RAB36: variants seen among roughly 807,000 people sequenced by gnomAD.
The protein encoded by RAB36 is RAB36, member RAS oncogene family, also known as ras-related protein Rab-36.
In RAB36, 33 loss-of-function variants were observed where a neutral mutation model predicts 39.3. That is an observed-to-expected ratio of 0.84 (90% CI 0.64 to 1.12). The LOEUF is 1.12. Among genes scored for constraint, RAB36 ranks in the 50% most tolerant of loss-of-function variants. The pLI is 0.00. For synonymous variants in RAB36, 133 were observed against 140.2 expected, an observed-to-expected ratio of 0.95 and a Z score of 0.36; for missense variants, 308 against 355.3, an observed-to-expected ratio of 0.87 and a Z score of 1.07.
rs1473192379 is a variant in RAB36, at chr22:23,160,921, C to T, written c.662C>T (p.Ala221Val). 1 of 1,613,820 alleles carries T rather than the reference C, an allele frequency of 6.2e-7. No individual in the cohort carries two copies. The highest frequency in any genetic ancestry group is 8.5e-7 in the Non-Finnish European group (1 of 1,179,946). Residue 221 changes from alanine to valine, a missense_variant, in exon 10 of 11, where the codon GCA (alanine) becomes GTA (valine). Physicochemically the swap from Ala to Val is moderately conservative, Grantham distance 64 (BLOSUM62 0). Transcript: ENST00000263116. The part of the protein sequence containing the change: ...KAFFSRVAAL[A>V]FEQSVLQDLE... ...TTCTTCAGCCGCGTAGCCGCCCTGG[C>T]ATTCGAGCAGTCGGTGCTGCAGGAC...
chr22:23,163,806 C>T lies in RAB36; in HGVS notation c.*2242C>T, dbSNP rs979913435. 2 of 152,228 alleles carry T rather than the reference C, an allele frequency of 1.3e-5. No individual in the cohort carries two copies. Among genetic ancestry groups the T allele is most frequent in the African/African-American group, 2.4e-5 (1 of 41,458 alleles). The allele number at this position is 152,228 out of a possible 1,614,324, so 9.4% of individuals were successfully genotyped here. ...TTTGTTGTTTTCACCAGAGTGAGCT[C>T]CTTCTGGACATACTGCCTGGCAGCC... is the stretch of plus-strand genomic sequence containing the variant. On this transcript the variant is annotated 3_prime_UTR_variant, in exon 11 of 11. Transcript: ENST00000263116.
intron 9 of RAB36, among the ~76,000 whole-genome samples, chr22:23,160,168 G>A (rs748692454): frequency 4.6e-5 from 7 of 152,148 alleles, no homozygotes; most frequent in Admixed American, 6.5e-5. Context: ...GAGGGTTGGC[G>A]TCACAAGTAG....
intron 1 of RAB36, 96 bp from the exon 2 acceptor site, chr22:23,146,509 G>T (rs2070781869): frequency 2.0e-6 from 3 of 1,507,214 alleles, no homozygotes; most frequent in South Asian, 2.5e-5. Flanking sequence ...ACTGCACCCA[G>T]CCTGGATCTG....
rs1238861813 is a variant in RAB36 at position 23,157,888 on chromosome 22, G to C, written c.395-104G>C. ...GGTTCCGGTGCTGAGTGCCTGGTTG[G>C]GGGGCTGCCCTGGCAGTTCCTTGGG... On this transcript the variant is annotated intron_variant, in intron 6 of 10. Transcript: ENST00000263116. The C allele has an allele frequency of 1.6e-5, 25 of 1,580,702 alleles. No individual in the cohort carries two copies. In the South Asian group the frequency reaches 1.8e-4, roughly 11 times the overall value.
At chr22:23,153,168 G>A (rs375183296) in intron 5 of RAB36, 34 bp downstream of exon 5, 3 of 1,503,992 alleles carry the variant, frequency 2.0e-6, no homozygotes, top group African/African-American at 2.8e-5. Flanking sequence ...CTCGTGGGCA[G>A]CTTCCTACAG....
chr22:23,163,606 G>GCTCCC lies in RAB36; in HGVS notation c.*2043_*2044insTCCCC, dbSNP rs139292265. ...AAAGCATATAAAATACAAGGTGAAA[G>GCTCCC]CCCCCCCCCCGCCACATTAGCTGCG... On this transcript the variant is annotated 3_prime_UTR_variant, in exon 11 of 11. Coordinates refer to ENST00000263116, the MANE Select transcript of RAB36 (RefSeq NM_004914.5). 4.0e-5 allele frequency: 5 copies of GCTCCC among 125,228 alleles called. 1 individual carries two copies. Among genetic ancestry groups the GCTCCC allele is most frequent in the African/African-American group, 1.4e-4 (5 of 36,388 alleles). 7.8% of individuals were successfully genotyped at this position (125,228 alleles called of 1,614,324 possible).
Position 23,162,466 on chromosome 22 carries a change from A to G in RAB36, c.*902A>G, listed in dbSNP as rs572693867. On this transcript the variant is annotated 3_prime_UTR_variant, in exon 11 of 11. Transcript: ENST00000263116. ...CTCTCCATCCCTCTCTCATTGGCCTATACATCTCTTAGGACCTTTGTAATG... is the reference window on the plus strand; with the variant it reads ...CTCTCCATCCCTCTCTCATTGGCCTGTACATCTCTTAGGACCTTTGTAATG... 2.4e-5 allele frequency: 9 copies of G among 372,542 alleles called. No individual in the cohort carries two copies. The highest frequency in any genetic ancestry group is 6.2e-4 in the Middle Eastern group (1 of 1,622). The allele number at this position is 372,542 out of a possible 1,614,324, so 23.1% of individuals were successfully genotyped here. A position where few individuals can be genotyped will look rare whatever the true frequency, so the allele number is the denominator to read the frequency against.
At chr22:23,161,056 A>G (rs1055810454) in intron 10 of RAB36, 58 bp downstream of exon 10, 2 of 1,543,940 alleles carry the variant, frequency 1.3e-6, no homozygotes, top group Non-Finnish European at 8.8e-7. Context: ...TAAAATCCAC[A>G]TGCGCCATCC....
At chr22:23,151,135 T>A (rs912340730) in intron 3 of RAB36, among the ~76,000 whole-genome samples, 2 of 152,210 alleles carry the variant, frequency 1.3e-5, no homozygotes, top group Non-Finnish European at 2.9e-5. Context: ...AGAGCGCAGC[T>A]AGAGGTTCCC....
At chr22:23,150,293 C>CTTTTTTTTTTCTTT (rs2071035923) in intron 3 of RAB36, 139 bp downstream of exon 3, 1 of 489,390 alleles carries the variant, frequency 2.0e-6, no homozygotes, top group Non-Finnish European at 3.6e-6. Context: ...CTGGGGTTTT[C>CTTTTTTTTTTCTTT]TTTTTTTTTT....
At chr22:23,151,382 A>T (rs1030949254) in intron 3 of RAB36, among the ~76,000 whole-genome samples, 11 of 152,076 alleles carry the variant, frequency 7.2e-5, no homozygotes, top group African/African-American at 2.7e-4. Context: ...ATGGAGTCAG[A>T]ACGAAAGGGC....
At chr22:23,154,886 G>T (rs1423543730) in intron 5 of RAB36, among the ~76,000 whole-genome samples, 1 of 152,166 alleles carries the variant, frequency 6.6e-6, no homozygotes, top group East Asian at 1.9e-4. Flanking sequence ...AGCACTTTGG[G>T]AGGCCAGGGC....
chr22:23,150,243 C>T (rs2071031311), intron 3 of RAB36, 89 bp downstream of exon 3: 2 of 1,051,668 alleles, frequency 1.9e-6, no homozygotes, highest in Admixed American at 2.0e-5. Flanking sequence ...ATGAAACACA[C>T]ACACGAGGCT....
At position 23,160,934 on chromosome 22, in the gene RAB36, G is replaced by A. The variant is rs5759611; in HGVS notation, c.675G>A (p.Ser225=). The change falls in exon 10 of 11, where the codon TCG becomes TCA. Residue 225 remains serine (S), a synonymous_variant. Transcript: ENST00000263116. ...TAGCCGCCCTGGCATTCGAGCAGTCGGTGCTGCAGGACCTGGAGAGGCAGA... is the reference window on the plus strand; with the variant it reads ...TAGCCGCCCTGGCATTCGAGCAGTCAGTGCTGCAGGACCTGGAGAGGCAGA... ...SRVAALAFEQ[S]VLQDLERQSS... is the part of the protein sequence containing the mutation. The A allele has an allele frequency of 0.25, 410,836 of 1,613,334 alleles. 54,252 individuals carry two copies. Among genetic ancestry groups the A allele is most frequent in the East Asian group, 0.36 (16,151 of 44,860 alleles).
intron 6 of RAB36, 47 bp from the exon 7 acceptor site, chr22:23,157,945 C>T (rs371981003): frequency 3.7e-6 from 6 of 1,611,958 alleles, no homozygotes; most frequent in African/African-American, 2.7e-5. Context: ...CCCCCTTGCT[C>T]GCCTCGCCTG....
At chr22:23,145,360 G>A, upstream of RAB36, 1 of 1,603,706 alleles carries the variant, frequency 6.2e-7, no homozygotes, top group Non-Finnish European at 8.5e-7. Context: ...GCAGGTTCTC[G>A]TTGCTATGGT....
chr22:23,163,015 G>A lies in RAB36; in HGVS notation c.*1451G>A, dbSNP rs766846952. 56 of 293,826 alleles carry A rather than the reference G, an allele frequency of 1.9e-4. 1 individual carries two copies. Among genetic ancestry groups the A allele is most frequent in the Non-Finnish European group, 2.4e-4 (36 of 150,144 alleles). 18.2% of individuals were successfully genotyped at this position (293,826 alleles called of 1,614,324 possible). ...CAACCTCTGCCTCCCAGGTTGAAGCGATTCTCCTGCCTCAGCCTCCCAAGT... is the reference window on the plus strand; with the variant it reads ...CAACCTCTGCCTCCCAGGTTGAAGCAATTCTCCTGCCTCAGCCTCCCAAGT... On this transcript the variant is annotated 3_prime_UTR_variant, in exon 11 of 11. Transcript: ENST00000263116.
At chr22:23,150,308 T>TC (rs1296329355) in intron 3 of RAB36, among the ~76,000 whole-genome samples, 154 bp downstream of exon 3, 12 of 149,430 alleles carry the variant, frequency 8.0e-5, no homozygotes, top group Non-Finnish European at 1.6e-4. Flanking sequence ...TTTTTTCTTT[T>TC]TTTTTTTTTT....
chr22:23,169,044 G>A (rs555871519), downstream of RAB36, among the ~76,000 whole-genome samples: 258 of 152,314 alleles, frequency 1.7e-3, no homozygotes, highest in Admixed American at 2.9e-3. Context: ...TGGTGGCCAG[G>A]AGACTCCGCT....
Sources: gnomAD v4.1 joint callset for allele counts (sites outside exome capture counted in the v4.1 genomes callset) on GRCh38, gnomAD v4.1.1 for gene constraint, MANE v1.5 for transcripts, NCBI Gene and HGNC (gene_info 2026-07-23, HGNC 2026-07-21) for gene names.